PCNX1: variants seen among roughly 807,000 people sequenced by gnomAD.
PCNX1 encodes pecanex-like protein 1.
A neutral mutation model predicts 242.2 loss-of-function variants in PCNX1; 78 were observed. The ratio of observed to expected loss-of-function variants is 0.32; its 90% CI spans 0.27 to 0.39. The LOEUF (loss-of-function observed/expected upper bound fraction) is 0.39. Among genes scored for constraint, PCNX1 ranks in the 10% least tolerant of loss-of-function variants. The pLI is 1.00. For synonymous variants in PCNX1, 1,024 were observed against 1,032.9 expected (o/e 0.99, Z 0.17); for missense variants, 2,581 against 2,856.5 (o/e 0.90, Z 2.20).
intron 30 of PCNX1, among the ~76,000 whole-genome samples, chr14:71,090,920 C>G (rs550212675): frequency 4.6e-5 from 7 of 152,336 alleles, no homozygotes; most frequent in African/African-American, 1.7e-4. Context: ...TGCCAGGTCT[C>G]TTTCCTTAAA....
chr14:71,098,097 G>T (rs1595499593), intron 30 of PCNX1, among the ~76,000 whole-genome samples: 1 of 152,162 alleles, frequency 6.6e-6, no homozygotes, highest in South Asian at 2.1e-4. Flanking sequence ...GATGGCTGTA[G>T]GTGTACAGCT....
chr14:71,008,812 A>G (rs2140507933), intron 8 of PCNX1, among the ~76,000 whole-genome samples: 1 of 152,224 alleles, frequency 6.6e-6, no homozygotes, highest in South Asian at 2.1e-4. Context: ...GGAAATTTAT[A>G]TTAATTAATT....
chr14:71,096,790 A>G (rs940722509), intron 30 of PCNX1, among the ~76,000 whole-genome samples: 7 of 152,188 alleles, frequency 4.6e-5, no homozygotes, highest in Admixed American at 6.5e-5. Flanking sequence ...GAATTAATCA[A>G]TTGAGGGTTG....
At chr14:70,983,878 A>G (rs750900625) in intron 6 of PCNX1, among the ~76,000 whole-genome samples, 9 of 151,486 alleles carry the variant, frequency 5.9e-5, no homozygotes, top group East Asian at 1.9e-4. Context: ...TTGGCTGACA[A>G]AGAAACTAAG....
At chr14:70,924,762 T>A (rs2056521236) in intron 1 of PCNX1, among the ~76,000 whole-genome samples, 1 of 151,978 alleles carries the variant, frequency 6.6e-6, no homozygotes, top group South Asian at 2.1e-4. Flanking sequence ...GTAATTTTTG[T>A]ATTTTTTGTA....
chr14:71,080,600 C>T (rs769216339), intron 28 of PCNX1, among the ~76,000 whole-genome samples: 2 of 152,080 alleles, frequency 1.3e-5, no homozygotes, highest in Non-Finnish European at 2.9e-5. Context: ...TCCTTGTAAG[C>T]TGTATTCCTA....
At chr14:70,909,914 A>G (rs2055748350) in intron 1 of PCNX1, among the ~76,000 whole-genome samples, 1 of 151,986 alleles carries the variant, frequency 6.6e-6, no homozygotes, top group Non-Finnish European at 1.5e-5. Flanking sequence ...TGAGAAATGA[A>G]CTTCCAAAGT....
rs757719594 is a variant in PCNX1 at position 71,011,480 on chromosome 14, AT to A, written c.2721-8del. ...CTTGACAAACTGTTCCCTATTTTTT[AT>A]TTTATTTTAGTGACACAGATTCTCA... On this transcript the variant is annotated splice_polypyrimidine_tract_variant and intron_variant, in intron 9 of 35. Transcript: ENST00000304743. 3.4e-6 allele frequency: 5 copies of A among 1,478,078 alleles called. No individual in the cohort carries two copies. The Admixed American group carries it at 8.6e-5, about 25-fold the overall frequency. 91.6% of individuals were successfully genotyped at this position (1,478,078 alleles called of 1,614,324 possible). A position where few individuals can be genotyped will look rare whatever the true frequency, so the allele number is the denominator to read the frequency against.
At chr14:71,077,904 T>G (rs963881682) in intron 28 of PCNX1, among the ~76,000 whole-genome samples, 1 of 152,194 alleles carries the variant, frequency 6.6e-6, no homozygotes, top group Non-Finnish European at 1.5e-5. Flanking sequence ...TATTTTGTTA[T>G]GAGTTAATCA....
chr14:71,086,397 T>C (rs753996715), intron 28 of PCNX1, among the ~76,000 whole-genome samples: 12 of 152,358 alleles, frequency 7.9e-5, no homozygotes, highest in South Asian at 4.1e-4. Context: ...CCAGTCTTTA[T>C]GAATTTTACT....
At chr14:71,047,781 T>G in intron 21 of PCNX1, 26 bp from the exon 22 acceptor site, 2 of 1,578,404 alleles carry the variant, frequency 1.3e-6, no homozygotes, top group Non-Finnish European at 1.7e-6. Context: ...AGTCATGAGT[T>G]GATTTGTGTT....
rs1555379088 is a variant in PCNX1 at position 71,098,553 on chromosome 14, T to TGAGAGAGA, written c.5590-3428_5590-3421dup. 3.0e-3 allele frequency among the ~76,000 whole-genome samples: 379 copies of TGAGAGAGA among 125,696 alleles called. 2 individuals are homozygous for TGAGAGAGA. The highest frequency in any genetic ancestry group is 0.024 in the East Asian group (100 of 4,142). The allele number at this position is 125,696 out of a possible 152,430, so 82.5% of individuals were successfully genotyped here. A position where few individuals can be genotyped will look rare whatever the true frequency, so the allele number is the denominator to read the frequency against. ...GTGTGTGTGTGTGTGTGTGTGTGTG[T>TGAGAGAGA]GAGAGAGAGAGAGAGAACATTGTAG... is the stretch of plus-strand genomic sequence containing the variant. On this transcript the variant is annotated intron_variant, in intron 30 of 35. Coordinates refer to ENST00000304743, the MANE Select transcript of PCNX1 (RefSeq NM_014982.3).
At chr14:70,993,192 C>T (rs2059220177) in intron 7 of PCNX1, among the ~76,000 whole-genome samples, 1 of 150,608 alleles carries the variant, frequency 6.6e-6, no homozygotes, top group African/African-American at 2.4e-5. Flanking sequence ...ACGATCTCGG[C>T]TCACTGCAAG....
At chr14:70,989,027 T>A (rs1225809312) in intron 7 of PCNX1, among the ~76,000 whole-genome samples, 3 of 151,954 alleles carry the variant, frequency 2.0e-5, no homozygotes, top group African/African-American at 7.3e-5. Flanking sequence ...AATCATGCAA[T>A]ATTTTCCCCA....
intron 6 of PCNX1, among the ~76,000 whole-genome samples, chr14:70,980,383 A>T (rs1182200130): frequency 6.6e-6 from 1 of 151,968 alleles, no homozygotes; most frequent in Non-Finnish European, 1.5e-5. Context: ...TAATTTAAAT[A>T]ACTCAATTAA....
chr14:71,000,128 AT>A (rs1454727070), intron 8 of PCNX1, among the ~76,000 whole-genome samples: 1 of 152,204 alleles, frequency 6.6e-6, no homozygotes, highest in Non-Finnish European at 1.5e-5. Flanking sequence ...CAAAGTATAT[AT>A]AAATGAAAGT....
At chr14:70,965,629 C>T (rs376136489) in intron 3 of PCNX1, among the ~76,000 whole-genome samples, 1 of 142,640 alleles carries the variant, frequency 7.0e-6, no homozygotes, top group African/African-American at 2.6e-5. Context: ...CACCACTGCA[C>T]TCCAGCCTGG....
chr14:70,993,401 C>T (rs2059230309), intron 7 of PCNX1, among the ~76,000 whole-genome samples: 2 of 151,934 alleles, frequency 1.3e-5, no homozygotes, highest in South Asian at 4.1e-4. Context: ...GTGCTGGAAT[C>T]ACAGGTGTGA....
chr14:71,102,860 T>C (rs539951691), intron 31 of PCNX1, among the ~76,000 whole-genome samples: 1 of 152,336 alleles, frequency 6.6e-6, no homozygotes, highest in Non-Finnish European at 1.5e-5. Context: ...AATATGATTC[T>C]TAGGTTGCAA....
Sources: gnomAD v4.1 joint callset for allele counts (sites outside exome capture counted in the v4.1 genomes callset) on GRCh38, gnomAD v4.1.1 for gene constraint, MANE v1.5 for transcripts, NCBI Gene and HGNC (gene_info 2026-07-23, HGNC 2026-07-21) for gene names.